The following EGFLAM variants were observed in gnomAD, a reference collection of about 807,000 sequenced individuals.
EGFLAM encodes the protein EGF like, fibronectin type III and laminin G domains, also known as pikachurin.
EGFLAM carries 79 observed loss-of-function variants against 113.1 expected under a neutral mutation model. That is an observed-to-expected ratio of 0.70 (90% CI 0.58 to 0.84). The LOEUF (loss-of-function observed/expected upper bound fraction) is 0.84. Ranked by LOEUF, EGFLAM falls within the 40% of genes least tolerant of loss-of-function variation. The pLI is 0.00. For missense variants in EGFLAM, 1,265 were observed against 1,291.6 expected, an observed-to-expected ratio of 0.98 and a Z score of 0.32; for synonymous variants, 504 against 487.6, an observed-to-expected ratio of 1.03 and a Z score of -0.44.
intron 6 of EGFLAM, among the ~76,000 whole-genome samples, chr5:38,383,576 T>A (rs1455326039): frequency 6.6e-6 from 1 of 152,154 alleles, no homozygotes; most frequent in Non-Finnish European, 1.5e-5. Context: ...CCCAGGTAAT[T>A]TCTGGATGCT....
chr5:38,348,323 G>A (rs77849234), intron 3 of EGFLAM, among the ~76,000 whole-genome samples: 2,831 of 152,164 alleles, frequency 0.019, 96 homozygotes, highest in African/African-American at 0.066. Context: ...AAGACTACGA[G>A]GGAGAAGAGA....
Position 38,427,165 on chromosome 5 carries a change from C to T in EGFLAM, c.1967C>T (p.Thr656Ile). 1 of 1,614,204 alleles carries T rather than the reference C, an allele frequency of 6.2e-7. No individual in the cohort carries two copies. Reference protein sequence around the residue: ...GDGVLLYSYDTGSKDFLSINL... With the variant: ...GDGVLLYSYDIGSKDFLSINL... ...GGTGTCCTCCTGTACAGCTATGACA[C>T]AGGCAGCAAAGACTTCCTGTCCATC... The change falls in exon 14 of 22, where the codon ACA becomes ATA. Residue 656 changes from threonine to isoleucine, a missense_variant. Physicochemically the swap from Thr to Ile is moderately conservative, Grantham distance 89 (BLOSUM62 -1). Transcript: ENST00000322350.
chr5:38,379,186 G>A (rs897142909), intron 6 of EGFLAM, among the ~76,000 whole-genome samples: 27 of 152,294 alleles, frequency 1.8e-4, no homozygotes, highest in African/African-American at 5.8e-4. Flanking sequence ...TGGTTGTGTC[G>A]GGGAGGGAAG....
chr5:38,452,081 G>A (rs1742936660), intron 19 of EGFLAM, among the ~76,000 whole-genome samples: 1 of 147,554 alleles, frequency 6.8e-6, no homozygotes, highest in African/African-American at 2.5e-5. Flanking sequence ...TTGTCGCCCA[G>A]GCCAGAGTGC....
At chr5:38,353,814 G>C (rs905821432) in intron 5 of EGFLAM, among the ~76,000 whole-genome samples, 2 of 152,188 alleles carry the variant, frequency 1.3e-5, no homozygotes, top group South Asian at 2.1e-4. Context: ...TTTTCCCATA[G>C]GGTGGCAAAA....
At chr5:38,462,106 C>T (rs1029019886) in intron 20 of EGFLAM, among the ~76,000 whole-genome samples, 2 of 152,078 alleles carry the variant, frequency 1.3e-5, no homozygotes, top group African/African-American at 2.4e-5. Flanking sequence ...GGGGCGGAGC[C>T]TGCAGTGAGC....
rs565979444 is a variant in EGFLAM at position 38,331,658 on chromosome 5, C to T, written c.98-5862C>T. Among the ~76,000 whole-genome samples, 38 of 152,230 alleles carry T rather than the reference C, an allele frequency of 2.5e-4. No individual in the cohort carries two copies. In the East Asian group the frequency reaches 7.0e-3, roughly 28 times the overall value. ...TTCCATTATCTCTATTTCCACTTTT[C>T]AGCCACCTTTAAGACTATGTTAGAA... On this transcript the variant is annotated intron_variant, in intron 1 of 21. Coordinates refer to ENST00000322350, the MANE Select transcript of EGFLAM (RefSeq NM_152403.4).
At chr5:38,294,077 G>T (rs768978951) in intron 1 of EGFLAM, among the ~76,000 whole-genome samples, 1 of 152,212 alleles carries the variant, frequency 6.6e-6, no homozygotes, top group African/African-American at 2.4e-5. Context: ...TGTCTCTGCA[G>T]ATTGGTGGGG....
At position 38,412,548 on chromosome 5, in the gene EGFLAM, A is replaced by C. The variant is rs770384140; in HGVS notation, c.1394A>C (p.Lys465Thr). ...TGVAIIVSET[K>T]IKLGGWHTVM... ...GTTGCCATCATCGTAAGTGAGACCA[A>C]AATCAAACTAGGGGGTTGGCACACG... Residue 465 changes from lysine (K) to threonine (T), a missense_variant, in exon 11 of 22, where the codon AAA (lysine) becomes ACA (threonine). By Grantham distance (78) the Lys-to-Thr change is moderately conservative (BLOSUM62 -1). Coordinates refer to ENST00000322350, the MANE Select transcript of EGFLAM (RefSeq NM_152403.4). The C allele has an allele frequency of 6.2e-7, 1 of 1,614,158 alleles. No individual in the cohort carries two copies. The highest frequency in any genetic ancestry group is 1.1e-5 in the South Asian group (1 of 91,078).
chr5:38,311,121 G>C (rs1738431528), intron 1 of EGFLAM, among the ~76,000 whole-genome samples: 1 of 152,070 alleles, frequency 6.6e-6, no homozygotes, highest in Non-Finnish European at 1.5e-5. Flanking sequence ...TTTATTTATG[G>C]TGTACAACAT....
rs1340479605 is a variant in EGFLAM, at chr5:38,465,305, C to T, written c.*1319C>T. Among the ~76,000 whole-genome samples, 2 of 152,192 alleles carry T rather than the reference C, an allele frequency of 1.3e-5. No individual in the cohort carries two copies. The highest frequency in any genetic ancestry group is 6.5e-5 in the Admixed American group (1 of 15,278). On this transcript the variant is annotated 3_prime_UTR_variant, in exon 22 of 22. Coordinates refer to ENST00000322350, the MANE Select transcript of EGFLAM (RefSeq NM_152403.4). Reference sequence around the variant, plus strand: ...AAGGGAAAGGTGAGATGAACACTGCCCCCAAGGAGGGGGTGAAATATGATC... The same window carrying T: ...AAGGGAAAGGTGAGATGAACACTGCTCCCAAGGAGGGGGTGAAATATGATC...
chr5:38,270,868 G>A (rs1028662399), intron 1 of EGFLAM, among the ~76,000 whole-genome samples: 2 of 152,148 alleles, frequency 1.3e-5, no homozygotes, highest in African/African-American at 4.8e-5. Flanking sequence ...GGTCTATAGA[G>A]TTTATAGAGT....
intron 20 of EGFLAM, among the ~76,000 whole-genome samples, chr5:38,458,985 A>AC (rs1267625703): frequency 1.3e-5 from 2 of 151,572 alleles, no homozygotes; most frequent in African/African-American, 2.4e-5. Flanking sequence ...AAAAAAAAAA[A>AC]GACTTTCAAA....
chr5:38,315,032 T>C (rs1738555072), intron 1 of EGFLAM, among the ~76,000 whole-genome samples: 1 of 152,202 alleles, frequency 6.6e-6, no homozygotes, highest in Non-Finnish European at 1.5e-5. Flanking sequence ...TCCTGACTAA[T>C]AGCAGGAGGC....
chr5:38,421,508 C>T (rs1741822320), intron 12 of EGFLAM, among the ~76,000 whole-genome samples: 2 of 152,246 alleles, frequency 1.3e-5, no homozygotes, highest in African/African-American at 4.8e-5. Flanking sequence ...TTCCTCATTT[C>T]ACTCAATAAA....
chr5:38,369,325 A>G (rs1361311852), intron 5 of EGFLAM, among the ~76,000 whole-genome samples: 1 of 152,224 alleles, frequency 6.6e-6, no homozygotes, highest in Non-Finnish European at 1.5e-5. Flanking sequence ...ATTTTTCTTT[A>G]AAATCCAGTG....
At chr5:38,380,962 G>T (rs566684480) in intron 6 of EGFLAM, among the ~76,000 whole-genome samples, 2 of 152,284 alleles carry the variant, frequency 1.3e-5, no homozygotes, top group Admixed American at 1.3e-4. Flanking sequence ...ACGATGCTCT[G>T]ATTTCAACTG....
chr5:38,418,284 C>A, intron 12 of EGFLAM, 29 bp downstream of exon 12: 1 of 1,610,878 alleles, frequency 6.2e-7, no homozygotes, highest in South Asian at 1.1e-5. Context: ...GGTTGGGGTA[C>A]TCTTATGGGA....
chr5:38,304,660 AC>A (rs1376904820), intron 1 of EGFLAM, among the ~76,000 whole-genome samples: 3 of 152,260 alleles, frequency 2.0e-5, no homozygotes, highest in South Asian at 2.1e-4. Flanking sequence ...CACAAAGTTT[AC>A]AATGAGTTTT....
Sources: allele counts gnomAD v4.1 joint callset (sites outside exome capture counted in the v4.1 genomes callset), GRCh38; gene constraint gnomAD v4.1.1; transcripts MANE v1.5; gene names NCBI Gene and HGNC (gene_info 2026-07-23, HGNC 2026-07-21).